Variants in ZNF674 observed in about 807,000 individuals in gnomAD.
The protein encoded by ZNF674 is zinc finger family member 674.
A neutral mutation model predicts 7.0 loss-of-function variants in ZNF674; 2 were observed. That is an observed-to-expected ratio of 0.29 (90% CI 0.12 to 0.90). ZNF674 has a LOEUF of 0.90. Among genes scored for constraint, ZNF674 ranks in the 40% least tolerant of loss-of-function variants. The probability of loss-of-function intolerance (pLI) is 0.57; values close to 1 mark genes in which losing one functional copy is unlikely to be tolerated. For missense variants in ZNF674, 297 were observed against 415.5 expected (o/e 0.71, Z 2.48); for synonymous variants, 103 against 145.2 (o/e 0.71, Z 2.09).
In ZNF674 at chrX:46,501,343, A is replaced by G. The variant is rs1463868696; in HGVS notation, c.239-8T>C. 4 of 1,194,976 alleles carry G rather than the reference A, an allele frequency of 3.3e-6. No individual in the cohort carries two copies. In the East Asian group the frequency reaches 8.9e-5, roughly 27 times the overall value. On this transcript the variant is annotated splice_region_variant and splice_polypyrimidine_tract_variant and intron_variant, in intron 5 of 5. Coordinates refer to ENST00000683375, the MANE Select transcript of ZNF674 (RefSeq NM_001190417.2). ...CGTCAACTTCCCAGACTTCTAGAAGAAAATGCAATGAATCATCAAACTTGT... is the reference window on the plus strand; with the variant it reads ...CGTCAACTTCCCAGACTTCTAGAAGGAAATGCAATGAATCATCAAACTTGT...
rs1941399313 is a variant in ZNF674 at position 46,500,497 on chromosome X, T to C, written c.1077A>G (p.Lys359=). 1 of 1,212,188 alleles carries C rather than the reference T, an allele frequency of 8.2e-7. No homozygotes were observed. The highest frequency in any genetic ancestry group is 1.7e-5 in the African/African-American group (1 of 58,021). Residue 359 remains lysine (K), a synonymous_variant, in exon 6 of 6, where the codon AAA becomes AAG. Coordinates refer to ENST00000683375, the MANE Select transcript of ZNF674 (RefSeq NM_001190417.2). The part of the protein sequence containing the change: ...SEKPQCSEHG[K]ASDEKPSPTK... ...TGGGACTGGGCTTCTCATCAGAGGC[T>C]TTCCCATGTTCACTGCACTGAGGTT...
At chrX:46,520,354 G>C (rs756590857) in intron 5 of ZNF674, among the ~76,000 whole-genome samples, 1 of 111,063 alleles carries the variant, frequency 9.0e-6, no homozygotes, top group Non-Finnish European at 1.9e-5. Flanking sequence ...AGACCAGATC[G>C]CACCATTGCA....
intron 3 of ZNF674, among the ~76,000 whole-genome samples, chrX:46,540,779 T>A (rs1242283634): frequency 9.0e-6 from 1 of 111,029 alleles, no homozygotes; most frequent in Non-Finnish European, 1.9e-5. Flanking sequence ...TAAAAAAAAA[T>A]TAGGCCAGGT....
At chrX:46,512,482 C>T (rs12689695) in intron 5 of ZNF674, among the ~76,000 whole-genome samples, 16,592 of 108,199 alleles carry the variant, frequency 0.15, 1,095 homozygotes, top group East Asian at 0.44. Flanking sequence ...CAAAAAGGGT[C>T]GGGCATGGTG....
intron 3 of ZNF674, among the ~76,000 whole-genome samples, chrX:46,538,462 G>A (rs976485517): frequency 8.9e-6 from 1 of 111,903 alleles, no homozygotes; most frequent in Non-Finnish European, 1.9e-5. Context: ...CAACATATAT[G>A]ATAGAGATCT....
At chrX:46,506,818 T>C (rs1941549275) in intron 5 of ZNF674, among the ~76,000 whole-genome samples, 1 of 110,628 alleles carries the variant, frequency 9.0e-6, no homozygotes, top group African/African-American at 3.3e-5. Context: ...ATAAAGAAAA[T>C]ATGGAACCCA....
chrX:46,506,933 G>C (rs775138428), intron 5 of ZNF674, among the ~76,000 whole-genome samples: 1 of 111,840 alleles, frequency 8.9e-6, no homozygotes, highest in South Asian at 3.8e-4. Flanking sequence ...ATGAGAGCAG[G>C]TCAGAAGGCT....
chrX:46,505,768 TCACACA>T lies in ZNF674; in HGVS notation c.239-4439_239-4434del, dbSNP rs56158505. ...CCTGGGCTAAAAGAGCAAAACTCTG[TCACACA>T]CACACACACACACACACACACGAAA... is the stretch of plus-strand genomic sequence containing the variant. On this transcript the variant is annotated intron_variant, in intron 5 of 5. Coordinates refer to ENST00000683375, the MANE Select transcript of ZNF674 (RefSeq NM_001190417.2). 7.4e-3 allele frequency among the ~76,000 whole-genome samples: 744 copies of T among 100,231 alleles called. 7 individuals are homozygous for T. The highest frequency in any genetic ancestry group is 0.022 in the African/African-American group (606 of 27,309). The allele number at this position is 100,231 out of a possible 115,157, so 87.0% of individuals were successfully genotyped here. A position where few individuals can be genotyped will look rare whatever the true frequency, so the allele number is the denominator to read the frequency against.
intron 3 of ZNF674, among the ~76,000 whole-genome samples, chrX:46,539,682 T>C (rs1194401954): frequency 8.9e-6 from 1 of 112,532 alleles, no homozygotes; most frequent in Non-Finnish European, 1.9e-5. Context: ...TTGCCAAAAC[T>C]TGGGGAGGGA....
At chrX:46,503,731 T>C (rs1941475951) in intron 5 of ZNF674, among the ~76,000 whole-genome samples, 1 of 111,912 alleles carries the variant, frequency 8.9e-6, no homozygotes, top group South Asian at 3.7e-4. Flanking sequence ...GACGAGAATA[T>C]TATAAAGCAA....
At chrX:46,537,265 CA>C (rs200502735) in intron 3 of ZNF674, among the ~76,000 whole-genome samples, 5 of 97,622 alleles carry the variant, frequency 5.1e-5, no homozygotes, top group East Asian at 3.2e-4. Flanking sequence ...GATTCTGTCT[CA>C]AAAAAAAAAT....
chrX:46,534,700 T>C (rs1229522975), intron 3 of ZNF674, among the ~76,000 whole-genome samples: 2 of 109,560 alleles, frequency 1.8e-5, no homozygotes, highest in Non-Finnish European at 3.8e-5. Flanking sequence ...ATAAAATAGA[T>C]CAAAGTTTTT....
chrX:46,529,143 G>A, intron 3 of ZNF674: 6 of 523,241 alleles, frequency 1.1e-5, no homozygotes, highest in Admixed American at 3.9e-5. Context: ...TCGAATCCAC[G>A]CAGTCTGGCT....
chrX:46,507,455 A>G (rs1941562969), intron 5 of ZNF674, among the ~76,000 whole-genome samples: 1 of 111,979 alleles, frequency 8.9e-6, no homozygotes, highest in South Asian at 3.7e-4. Context: ...GTATTTATAT[A>G]TACAGTTAGC....
Position 46,531,587 on chromosome X carries a change from C to T in ZNF674, c.16-2678G>A, listed in dbSNP as rs1324159592. ...CAGCCTGGGGCCTGGGATTACATCT[C>T]GTGTCAGGAGTGTTGTGTCAAGTGA... On this transcript the variant is annotated intron_variant, in intron 3 of 5. Coordinates refer to ENST00000683375, the MANE Select transcript of ZNF674 (RefSeq NM_001190417.2). Among the ~76,000 whole-genome samples the T allele has an allele frequency of 7.2e-5, 8 of 111,374 alleles. No individual in the cohort carries two copies. In the Admixed American group the frequency reaches 7.7e-4, roughly 11 times the overall value.
At chrX:46,503,258 G>T (rs1941468119) in intron 5 of ZNF674, among the ~76,000 whole-genome samples, 1 of 112,112 alleles carries the variant, frequency 8.9e-6, no homozygotes, top group Admixed American at 9.5e-5. Context: ...TTTCATCTTA[G>T]AACTCTATAC....
intron 5 of ZNF674, among the ~76,000 whole-genome samples, chrX:46,519,399 G>C (rs1941863984): frequency 9.2e-6 from 1 of 108,828 alleles, no homozygotes; most frequent in Non-Finnish European, 1.9e-5. Flanking sequence ...CTTGAGGTCA[G>C]GAGTTCGAGA....
At chrX:46,543,194 T>C (rs763278069) in intron 2 of ZNF674, among the ~76,000 whole-genome samples, 1 of 111,459 alleles carries the variant, frequency 9.0e-6, no homozygotes, top group Non-Finnish European at 1.9e-5. Context: ...CCTCAGGTGA[T>C]CCATCCGCCT....
intron 2 of ZNF674, among the ~76,000 whole-genome samples, chrX:46,542,958 G>GTT (rs67877737): frequency 2.8e-5 from 3 of 106,582 alleles, no homozygotes; most frequent in East Asian, 3.0e-4. Context: ...TCTTTTTTTT[G>GTT]TTTTTTTTTG....
Sources: allele counts gnomAD v4.1 joint callset (sites outside exome capture counted in the v4.1 genomes callset), GRCh38; gene constraint gnomAD v4.1.1; transcripts MANE v1.5; gene names NCBI Gene and HGNC (gene_info 2026-07-23, HGNC 2026-07-21).